ENO4: variants seen among roughly 807,000 people sequenced by gnomAD.
ENO4 encodes 2-phospho-D-glycerate hydro-lyase.
A neutral mutation model predicts 63.2 loss-of-function variants in ENO4; 53 were observed. That is an observed-to-expected ratio of 0.84 (90% CI 0.67 to 1.05). The LOEUF (loss-of-function observed/expected upper bound fraction) is 1.05, where lower values mean the gene tolerates loss of function less well. ENO4 is among the 50% of genes least tolerant of loss of function. The probability of loss-of-function intolerance (pLI) is 0.00; values close to 1 mark genes in which losing one functional copy is unlikely to be tolerated. For synonymous variants in ENO4, 266 were observed against 283.8 expected, an observed-to-expected ratio of 0.94 and a Z score of 0.63; for missense variants, 719 against 772.0, an observed-to-expected ratio of 0.93 and a Z score of 0.81.
rs151083394 is a variant in ENO4, at chr10:116,894,291, T to G, written c.1194+14305T>G. Among the ~76,000 whole-genome samples the G allele has an allele frequency of 2.0e-3, 304 of 152,300 alleles. 4 individuals are homozygous for G. Among genetic ancestry groups the G allele is most frequent in the African/African-American group, 6.8e-3 (284 of 41,554 alleles). ...AAATGCAAATTAAAATAAAAATGGT[T>G]TCACTGGAAATGAACATTTTCTATT... On this transcript the variant is annotated intron_variant, in intron 10 of 10. Transcript: ENST00000369207.
intron 7 of ENO4, among the ~76,000 whole-genome samples, chr10:116,867,160 C>T (rs1480857318): frequency 6.6e-6 from 1 of 152,030 alleles, no homozygotes; most frequent in Non-Finnish European, 1.5e-5. Flanking sequence ...AGTGATAGTT[C>T]CTGATGACAT....
At chr10:116,866,458 C>T (rs1229697921) in intron 7 of ENO4, among the ~76,000 whole-genome samples, 1 of 152,198 alleles carries the variant, frequency 6.6e-6, no homozygotes, top group Non-Finnish European at 1.5e-5. Flanking sequence ...TGGTTCTGCA[C>T]TTAGGAGCTG....
chr10:116,873,793 C>T (rs1846761491), intron 9 of ENO4: 1 of 815,836 alleles, frequency 1.2e-6, no homozygotes, highest in Non-Finnish European at 1.5e-6. Context: ...CAGATTATTC[C>T]CCTCCTACTC....
chr10:116,868,800 AC>A, intron 8 of ENO4, 94 bp downstream of exon 8: 7 of 1,151,082 alleles, frequency 6.1e-6, no homozygotes, highest in Non-Finnish European at 8.9e-6. Context: ...TTGCTCCAAG[AC>A]CAGGACTGAG....
In ENO4 at chr10:116,906,744, T is replaced by C. The variant is rs1334539668; in HGVS notation, c.1195-4755T>C. The C allele has an allele frequency of 1.2e-6, 2 of 1,607,120 alleles. No individual in the cohort carries two copies. The highest frequency in any genetic ancestry group is 2.7e-5 in the African/African-American group (2 of 74,512). On this transcript the variant is annotated intron_variant, in intron 10 of 10. Coordinates refer to the ENO4 transcript ENST00000369207. ...CTTGAACTAGTGGATTTGTTAAGTG[T>C]CCCCTAAAGTGAAAACAAAACAAAA...
intron 7 of ENO4, among the ~76,000 whole-genome samples, chr10:116,866,275 T>C (rs893729860): frequency 1.3e-5 from 2 of 152,210 alleles, no homozygotes; most frequent in East Asian, 1.9e-4. Context: ...TTCTTAGTAA[T>C]AGCTCCAACT....
In ENO4 at chr10:116,861,136, A is replaced by C. The variant is rs757784533; in HGVS notation, c.882A>C (p.Leu294=). The change falls in exon 6 of 14, where the codon CTA becomes CTC. Residue 294 remains leucine, a synonymous_variant. Coordinates refer to ENST00000341276, the MANE Select transcript of ENO4 (RefSeq NM_001242699.2). The part of the protein sequence containing the change: ...VSCGKSSSGK[L]NLMKEVICIP... ...GTGGGAAGTCATCATCTGGGAAGCTAAATTTAATGAAAGAAGTGATTTGTA... is the reference window on the plus strand; with the variant it reads ...GTGGGAAGTCATCATCTGGGAAGCTCAATTTAATGAAAGAAGTGATTTGTA... The C allele has an allele frequency of 2.4e-5, 37 of 1,547,258 alleles. No homozygotes were observed. Among genetic ancestry groups the C allele is most frequent in the Middle Eastern group, 3.3e-4 (2 of 6,006 alleles).
intron 3 of ENO4, among the ~76,000 whole-genome samples, chr10:116,858,064 G>A (rs750086706): frequency 3.3e-4 from 50 of 151,586 alleles, no homozygotes; most frequent in Admixed American, 1.1e-3. Context: ...CAAGCTCTCA[G>A]TTACATCTTG....
chr10:116,896,194 T>C (rs748700641), intron 10 of ENO4, among the ~76,000 whole-genome samples: 7 of 152,196 alleles, frequency 4.6e-5, no homozygotes, highest in Non-Finnish European at 7.3e-5. Flanking sequence ...ATTATACCTA[T>C]ATCAACCAAG....
Position 116,860,947 on chromosome 10 carries a change from T to C in ENO4, c.788T>C (p.Leu263Pro). The change falls in exon 5 of 14, where the codon CTA becomes CCA. Residue 263 changes from leucine (L) to proline (P), a missense_variant. By Grantham distance (98) the Leu-to-Pro change is moderately conservative. Around this residue, in one of 3 missense-constraint regions of ENO4, gnomAD observed 544 missense variants for 583.6 expected, o/e 0.93. Coordinates refer to ENST00000341276, the MANE Select transcript of ENO4 (RefSeq NM_001242699.2). ...LNKPLYLNIALLKHNQEQPTT... is the reference protein window; with the variant it reads ...LNKPLYLNIAPLKHNQEQPTT... The stretch of plus-strand genomic sequence containing the variant: ...AAACCTCTGTACTTAAATATCGCTC[T>C]ACTGAAGCACAATCAGGTTAGTATC... 1 of 1,543,866 alleles carries C rather than the reference T, an allele frequency of 6.5e-7. No individual in the cohort carries two copies. The highest frequency in any genetic ancestry group is 8.8e-7 in the Non-Finnish European group (1 of 1,141,944).
chr10:116,879,737 T>A (rs1174745848), intron 12 of ENO4, 132 bp from the exon 13 acceptor site: 4 of 714,202 alleles, frequency 5.6e-6, no homozygotes, highest in Non-Finnish European at 9.3e-6. Context: ...TGTGCTTACA[T>A]AAAGATAAAA....
At chr10:116,894,163 C>T (rs1253958839) in intron 10 of ENO4, among the ~76,000 whole-genome samples, 1 of 152,102 alleles carries the variant, frequency 6.6e-6, no homozygotes, top group Non-Finnish European at 1.5e-5. Flanking sequence ...GTCAACTACC[C>T]TTTGGTTTCA....
chr10:116,911,915 G>C, downstream of ENO4: 1 of 1,077,404 alleles, frequency 9.3e-7, no homozygotes, highest in Non-Finnish European at 1.4e-6. Context: ...ATTTTTACAT[G>C]GCAAACTATT....
At chr10:116,857,033 A>G (rs1354487472) in intron 3 of ENO4, among the ~76,000 whole-genome samples, 1 of 151,964 alleles carries the variant, frequency 6.6e-6, no homozygotes, top group Non-Finnish European at 1.5e-5. Context: ...TACGTCCATT[A>G]TCTTTCCATT....
At chr10:116,885,055 C>T (rs1475398655), downstream of ENO4, 2 of 152,516 alleles carry the variant, frequency 1.3e-5, no homozygotes, top group South Asian at 2.1e-4. Context: ...ATAATTATCT[C>T]CAAATTTAGG....
At chr10:116,896,400 T>C (rs114580446) in intron 10 of ENO4, among the ~76,000 whole-genome samples, 10 of 152,328 alleles carry the variant, frequency 6.6e-5, no homozygotes, top group African/African-American at 1.7e-4. Context: ...AATGTGGGAC[T>C]AGTCAACCTA....
chr10:116,901,467 AT>A (rs1372588272), intron 10 of ENO4: 1 of 984,952 alleles, frequency 1.0e-6, no homozygotes, highest in East Asian at 1.1e-4. Flanking sequence ...TGAAAGACTG[AT>A]TGTCTCCTGA....
At chr10:116,870,873 CACAG>C (rs1341214478) in intron 8 of ENO4, among the ~76,000 whole-genome samples, 3 of 152,048 alleles carry the variant, frequency 2.0e-5, no homozygotes, top group Non-Finnish European at 4.4e-5. Flanking sequence ...AAAGAGAGAA[CACAG>C]ACACACTAAA....
intron 10 of ENO4, chr10:116,901,316 G>C: frequency 1.0e-6 from 1 of 985,132 alleles, no homozygotes. Flanking sequence ...TTTCAGGATA[G>C]AGCAATATTA....
Sources: allele counts gnomAD v4.1 joint callset (sites outside exome capture counted in the v4.1 genomes callset), GRCh38; gene constraint gnomAD v4.1.1; regional missense constraint gnomAD v4.1.1; transcripts MANE v1.5; gene names NCBI Gene and HGNC (gene_info 2026-07-23, HGNC 2026-07-21).